Variants in LUZP2 observed in about 807,000 individuals in gnomAD.
LUZP2 encodes leucine zipper protein 2.
A neutral mutation model predicts 51.6 loss-of-function variants in LUZP2; 52 were observed. The observed-to-expected ratio is 1.01, with a 90% CI of 0.81 to 1.27. The LOEUF (loss-of-function observed/expected upper bound fraction) is 1.27. Ranked by LOEUF, LUZP2 falls within the 50% of genes most tolerant of loss-of-function variation. The pLI is 0.00. For missense variants in LUZP2, 436 were observed against 395.4 expected (o/e 1.10, Z -0.87); for synonymous variants, 154 against 137.3 (o/e 1.12, Z -0.85).
chr11:24,978,784 G>A (rs1242655774), intron 8 of LUZP2, among the ~76,000 whole-genome samples: 1 of 151,748 alleles, frequency 6.6e-6, no homozygotes, highest in Non-Finnish European at 1.5e-5. Context: ...GCACGGTATA[G>A]TCACAAAACA....
At chr11:25,018,757 G>A (rs1477899238) in intron 9 of LUZP2, among the ~76,000 whole-genome samples, 1 of 151,816 alleles carries the variant, frequency 6.6e-6, no homozygotes, top group Non-Finnish European at 1.5e-5. Flanking sequence ...ACAGGTGCAT[G>A]CCACCATGCC....
chr11:24,860,608 T>A (rs1379847613), intron 5 of LUZP2, among the ~76,000 whole-genome samples: 2 of 152,036 alleles, frequency 1.3e-5, no homozygotes, highest in Non-Finnish European at 2.9e-5. Context: ...TCTTTGCTAT[T>A]CTCCAGCCTC....
intron 5 of LUZP2, among the ~76,000 whole-genome samples, chr11:24,806,523 T>C (rs1339860255): frequency 1.3e-5 from 2 of 152,192 alleles, no homozygotes; most frequent in Admixed American, 6.5e-5. Context: ...TGCTTATTTT[T>C]ACAAGGGAGG....
intron 7 of LUZP2, among the ~76,000 whole-genome samples, chr11:24,935,991 C>T (rs956521272): frequency 2.6e-5 from 4 of 152,130 alleles, no homozygotes; most frequent in African/African-American, 4.8e-5. Context: ...TGAATGGAGA[C>T]ATTTCAAAAG....
At chr11:24,609,193 C>T (rs1219566373) in intron 1 of LUZP2, among the ~76,000 whole-genome samples, 1 of 152,006 alleles carries the variant, frequency 6.6e-6, no homozygotes, top group East Asian at 1.9e-4. Flanking sequence ...TACAAGCAAG[C>T]TTTAAAAAAA....
intron 9 of LUZP2, among the ~76,000 whole-genome samples, chr11:25,031,461 T>C (rs1281974500): frequency 2.0e-5 from 3 of 152,208 alleles, no homozygotes; most frequent in African/African-American, 7.2e-5. Flanking sequence ...TCTTTTAAAC[T>C]TCAGCTGCAA....
At chr11:24,958,958 C>G (rs1234784868) in intron 7 of LUZP2, among the ~76,000 whole-genome samples, 1 of 152,162 alleles carries the variant, frequency 6.6e-6, no homozygotes, top group African/African-American at 2.4e-5. Flanking sequence ...GATCCAGTTT[C>G]AGCTTTCTAC....
chr11:25,067,478 G>A (rs10767306), intron 10 of LUZP2, among the ~76,000 whole-genome samples: 55,682 of 151,780 alleles, frequency 0.37, 12,470 homozygotes, highest in East Asian at 0.78. Context: ...GAATGGTATG[G>A]CCTTGGTTTT....
chr11:24,698,215 A>G (rs902955721), intron 1 of LUZP2, among the ~76,000 whole-genome samples: 1 of 152,194 alleles, frequency 6.6e-6, no homozygotes, highest in Admixed American at 6.5e-5. Flanking sequence ...ACTGGGCTGT[A>G]AAACTACTTT....
intron 6 of LUZP2, among the ~76,000 whole-genome samples, chr11:24,912,231 G>T (rs1377383863): frequency 6.6e-5 from 9 of 135,970 alleles, no homozygotes; most frequent in South Asian, 2.3e-4. Context: ...TTCTCTTCCT[G>T]TCTCCTTTTC....
At chr11:25,029,191 C>A (rs1207434322) in intron 9 of LUZP2, among the ~76,000 whole-genome samples, 2 of 151,972 alleles carry the variant, frequency 1.3e-5, no homozygotes, top group African/African-American at 4.8e-5. Flanking sequence ...GGTGACTATA[C>A]TCAATAATAA....
chr11:24,955,152 A>G (rs1340693883), intron 7 of LUZP2, among the ~76,000 whole-genome samples: 4 of 152,078 alleles, frequency 2.6e-5, no homozygotes, highest in African/African-American at 9.7e-5. Context: ...GAACGCCCGT[A>G]TAATTTTGTT....
At chr11:24,767,159 A>C (rs1413029565) in intron 5 of LUZP2, among the ~76,000 whole-genome samples, 1 of 151,998 alleles carries the variant, frequency 6.6e-6, no homozygotes, top group East Asian at 1.9e-4. Flanking sequence ...TTCCCTCCAA[A>C]ATTTCTATTT....
At chr11:24,850,451 G>T (rs1165958682) in intron 5 of LUZP2, among the ~76,000 whole-genome samples, 1 of 151,978 alleles carries the variant, frequency 6.6e-6, no homozygotes, top group Admixed American at 6.6e-5. Context: ...TGTTATTTCT[G>T]AGGCCTCTGT....
chr11:25,040,168 A>T (rs1004438690), intron 9 of LUZP2, among the ~76,000 whole-genome samples: 1 of 152,134 alleles, frequency 6.6e-6, no homozygotes, highest in Non-Finnish European at 1.5e-5. Context: ...GCATATGAGC[A>T]TTTGCATGCT....
chr11:24,927,668 A>C (rs1362913898), intron 7 of LUZP2, among the ~76,000 whole-genome samples: 1 of 152,050 alleles, frequency 6.6e-6, no homozygotes, highest in East Asian at 1.9e-4. Context: ...GAAGTCAGGT[A>C]ATGTGGTGCC....
intron 7 of LUZP2, among the ~76,000 whole-genome samples, chr11:24,926,399 A>ATATATACGTGTG (rs1854258124): frequency 7.1e-6 from 1 of 141,160 alleles, no homozygotes; most frequent in Non-Finnish European, 1.5e-5. Context: ...ACGTGTGTAT[A>ATATATACGTGTG]TATATATACG....
chr11:24,923,057 C>A (rs185451374), intron 7 of LUZP2, among the ~76,000 whole-genome samples: 726 of 151,696 alleles, frequency 4.8e-3, no homozygotes, highest in Non-Finnish European at 7.7e-3. Flanking sequence ...ACGGTTTTAG[C>A]CAGGATGGTC....
intron 1 of LUZP2, among the ~76,000 whole-genome samples, chr11:24,683,339 A>G (rs1856804954): frequency 6.6e-6 from 1 of 152,216 alleles, no homozygotes; most frequent in Non-Finnish European, 1.5e-5. Context: ...ATCAGTAGGT[A>G]GTACAGAAGA....
Sources: gnomAD v4.1 joint callset for allele counts (sites outside exome capture counted in the v4.1 genomes callset) on GRCh38, gnomAD v4.1.1 for gene constraint, MANE v1.5 for transcripts, NCBI Gene and HGNC (gene_info 2026-07-23, HGNC 2026-07-21) for gene names.